The following CNTNAP2 variants were observed in gnomAD, a reference collection of about 807,000 sequenced individuals.
The protein encoded by CNTNAP2 is contactin associated protein 2.
CNTNAP2 carries 98 observed loss-of-function variants against 155.2 expected under a neutral mutation model. The observed-to-expected ratio is 0.63, with a 90% CI of 0.54 to 0.75. The LOEUF (loss-of-function observed/expected upper bound fraction) is 0.75, where lower values mean the gene tolerates loss of function less well. Ranked by LOEUF, CNTNAP2 falls within the 30% of genes least tolerant of loss-of-function variation. The pLI, the probability that CNTNAP2 is intolerant of heterozygous loss-of-function variation, is 0.00. For synonymous variants in CNTNAP2, 651 were observed against 631.2 expected (o/e 1.03, Z -0.47); for missense variants, 1,727 against 1,688.1 (o/e 1.02, Z -0.40).
intron 1 of CNTNAP2, among the ~76,000 whole-genome samples, chr7:146,726,862 A>G (rs1801439181): frequency 6.6e-6 from 1 of 152,176 alleles, no homozygotes; most frequent in Admixed American, 6.5e-5. Context: ...CAGATTTTCC[A>G]TAGCATATAT....
intron 12 of CNTNAP2, among the ~76,000 whole-genome samples, chr7:147,606,774 T>C (rs1801074282): frequency 6.6e-6 from 1 of 152,220 alleles, no homozygotes; most frequent in South Asian, 2.1e-4. Context: ...GCGCTTGGCC[T>C]TGCATTGCGG....
At chr7:146,829,316 G>A (rs905156607) in intron 2 of CNTNAP2, among the ~76,000 whole-genome samples, 13 of 151,768 alleles carry the variant, frequency 8.6e-5, no homozygotes, top group African/African-American at 3.1e-4. Flanking sequence ...ATTTATGTCT[G>A]GATATTATCA....
At chr7:147,151,521 CA>C (rs1237110256) in intron 8 of CNTNAP2, among the ~76,000 whole-genome samples, 1 of 151,934 alleles carries the variant, frequency 6.6e-6, no homozygotes, top group Admixed American at 6.6e-5. Context: ...TTAAAGATGA[CA>C]ATGCAAATAT....
intron 3 of CNTNAP2, among the ~76,000 whole-genome samples, chr7:146,926,512 A>G (rs1172475289): frequency 6.6e-6 from 1 of 152,090 alleles, no homozygotes; most frequent in East Asian, 1.9e-4. Context: ...TGCCTGACAA[A>G]TTACAGATCC....
chr7:147,028,827 A>T (rs935422229), intron 3 of CNTNAP2, among the ~76,000 whole-genome samples: 1 of 152,170 alleles, frequency 6.6e-6, no homozygotes, highest in African/African-American at 2.4e-5. Context: ...AAAAAAGCAG[A>T]TGATGTCACT....
intron 10 of CNTNAP2, among the ~76,000 whole-genome samples, chr7:147,428,190 A>G (rs1366151583): frequency 6.6e-6 from 1 of 152,130 alleles, no homozygotes; most frequent in Non-Finnish European, 1.5e-5. Flanking sequence ...GCTTCAGTTT[A>G]CCTCCTCATG....
intron 3 of CNTNAP2, among the ~76,000 whole-genome samples, chr7:146,886,160 A>G (rs1795654478): frequency 6.6e-6 from 1 of 151,776 alleles, no homozygotes; most frequent in Non-Finnish European, 1.5e-5. Flanking sequence ...TGAAGCCTAG[A>G]GCTGGAGGAA....
chr7:147,626,011 T>A (rs551780645), intron 12 of CNTNAP2, among the ~76,000 whole-genome samples: 2 of 152,144 alleles, frequency 1.3e-5, no homozygotes, highest in South Asian at 4.2e-4. Flanking sequence ...GCAGTCCCAG[T>A]CTCCAGCTGA....
At chr7:147,719,349 A>G (rs1184714970) in intron 13 of CNTNAP2, among the ~76,000 whole-genome samples, 4 of 152,142 alleles carry the variant, frequency 2.6e-5, no homozygotes, top group Admixed American at 6.6e-5. Context: ...TCCAAAAACC[A>G]ATGACTGATT....
At chr7:146,622,326 G>T (rs1402691741) in intron 1 of CNTNAP2, among the ~76,000 whole-genome samples, 1 of 151,010 alleles carries the variant, frequency 6.6e-6, no homozygotes, top group African/African-American at 2.4e-5. Flanking sequence ...TCCAGTCTTA[G>T]AATCAACCTT....
intron 10 of CNTNAP2, among the ~76,000 whole-genome samples, chr7:147,467,401 T>G (rs1310470939): frequency 6.6e-6 from 1 of 152,226 alleles, no homozygotes; most frequent in African/African-American, 2.4e-5. Flanking sequence ...TCATCAATTA[T>G]TCTCATAAGA....
chr7:148,208,849 C>T lies in CNTNAP2; in HGVS notation c.3011-8439C>T, dbSNP rs558213550. Among the ~76,000 whole-genome samples, 4 of 152,048 alleles carry T rather than the reference C, an allele frequency of 2.6e-5. No homozygotes were observed. In the East Asian group the frequency reaches 7.7e-4, roughly 29 times the overall value. On this transcript the variant is annotated intron_variant, in intron 18 of 23. Coordinates refer to ENST00000361727, the MANE Select transcript of CNTNAP2 (RefSeq NM_014141.6). ...CCCTTTTTCCTTGGCCTCATTCAGA[C>T]CTCGTGTTCAAGGGGTCCCCGGGGT...
intron 3 of CNTNAP2, among the ~76,000 whole-genome samples, chr7:146,927,681 A>C (rs1273107901): frequency 6.6e-6 from 1 of 151,986 alleles, no homozygotes; most frequent in Non-Finnish European, 1.5e-5. Context: ...ATTGTTTTAA[A>C]ATATCTATGC....
intron 3 of CNTNAP2, among the ~76,000 whole-genome samples, chr7:146,913,099 C>G (rs1452143029): frequency 6.6e-6 from 1 of 152,048 alleles, no homozygotes; most frequent in Non-Finnish European, 1.5e-5. Context: ...GATAAATCAG[C>G]AAAGTTTCAT....
At chr7:147,579,349 C>T (rs1263011388) in intron 12 of CNTNAP2, among the ~76,000 whole-genome samples, 1 of 152,030 alleles carries the variant, frequency 6.6e-6, no homozygotes, top group Non-Finnish European at 1.5e-5. Context: ...TTTATGAGTG[C>T]ATCTTATGTT....
chr7:147,980,541 T>C (rs567086097), intron 15 of CNTNAP2, among the ~76,000 whole-genome samples: 1 of 152,216 alleles, frequency 6.6e-6, no homozygotes, highest in African/African-American at 2.4e-5. Context: ...GAAATCTCAT[T>C]GTTTTCCAGG....
In CNTNAP2 at chr7:147,723,355, G is replaced by T. The variant is rs185575919; in HGVS notation, c.2098+84049G>T. Reference sequence around the variant, plus strand: ...AATATTGATTCAAAGAACCAGAACTGCAATGAAATAAGGACAGAACTAAAG... The same window carrying T: ...AATATTGATTCAAAGAACCAGAACTTCAATGAAATAAGGACAGAACTAAAG... On this transcript the variant is annotated intron_variant, in intron 13 of 23. Coordinates refer to ENST00000361727, the MANE Select transcript of CNTNAP2 (RefSeq NM_014141.6). Among the ~76,000 whole-genome samples, 543 of 152,058 alleles carry T rather than the reference G, an allele frequency of 3.6e-3. 1 individual carries two copies. Among genetic ancestry groups the T allele is most frequent in the Non-Finnish European group, 6.4e-3 (437 of 67,934 alleles).
intron 6 of CNTNAP2, among the ~76,000 whole-genome samples, chr7:147,124,256 C>T (rs1051955255): frequency 2.0e-5 from 3 of 152,220 alleles, no homozygotes; most frequent in African/African-American, 7.2e-5. Context: ...AGAGAAAGCT[C>T]GTCTTGTTAT....
At chr7:146,432,251 A>G (rs895447984) in intron 1 of CNTNAP2, among the ~76,000 whole-genome samples, 2 of 152,124 alleles carry the variant, frequency 1.3e-5, no homozygotes, top group African/African-American at 2.4e-5. Flanking sequence ...AATAATTCTT[A>G]ATTAAAGAGG....
Sources: allele counts gnomAD v4.1 joint callset (sites outside exome capture counted in the v4.1 genomes callset), GRCh38; gene constraint gnomAD v4.1.1; transcripts MANE v1.5; gene names NCBI Gene and HGNC (gene_info 2026-07-23, HGNC 2026-07-21).